The following C19orf38 variants were observed in gnomAD, a reference collection of about 807,000 sequenced individuals.
C19orf38 encodes protein HIDE1.
Under a neutral mutation model 26.6 loss-of-function variants are expected in C19orf38, and 14 were observed. The ratio of observed to expected loss-of-function variants is 0.53; its 90% CI spans 0.35 to 0.82. C19orf38 has a LOEUF of 0.82. Ranked by LOEUF, C19orf38 falls within the 40% of genes least tolerant of loss-of-function variation. The pLI is 0.01. For synonymous variants in C19orf38, 132 were observed against 128.5 expected (o/e 1.03, Z -0.18); for missense variants, 261 against 299.5 (o/e 0.87, Z 0.95).
intron 2 of C19orf38, among the ~76,000 whole-genome samples, chr19:10,853,899 GTTTT>G (rs545079431): frequency 8.6e-6 from 1 of 116,906 alleles, no homozygotes; most frequent in Non-Finnish European, 1.8e-5. Flanking sequence ...TCCGGCTAAT[GTTTT>G]TTTTTTTTTT....
chr19:10,855,614 C>T (rs10410700), intron 2 of C19orf38, among the ~76,000 whole-genome samples: 1,684 of 152,278 alleles, frequency 0.011, 34 homozygotes, highest in African/African-American at 0.038. Context: ...CTGCAACCTC[C>T]GCCTCCCGGG....
chr19:10,850,389 G>C lies in C19orf38; in HGVS notation c.162G>C (p.Gly54=), dbSNP rs553277108. Residue 54 remains glycine (G), a synonymous_variant, in exon 2 of 7, where the codon GGG becomes GGC. Transcript: ENST00000397820. The part of the protein sequence containing the change: ...FPGANFTLYR[G]GQVVQLLQAP... ...GGGCGAATTTCACACTGTATCGAGGGGGGCAGGTGGTCCAGCTCCTGCAGG... is the reference window on the plus strand; with the variant it reads ...GGGCGAATTTCACACTGTATCGAGGCGGGCAGGTGGTCCAGCTCCTGCAGG... 1.3e-6 allele frequency: 2 copies of C among 1,550,810 alleles called. No homozygotes were observed. The highest frequency in any genetic ancestry group is 1.7e-6 in the Non-Finnish European group (2 of 1,146,500).
intron 1 of C19orf38, among the ~76,000 whole-genome samples, chr19:10,838,838 T>C (rs2073457590): frequency 6.6e-6 from 1 of 152,154 alleles, no homozygotes; most frequent in African/African-American, 2.4e-5. Flanking sequence ...TGTGAATTTC[T>C]GGTATCTGCT....
At chr19:10,864,325 C>T (rs1180600442) in intron 6 of C19orf38, among the ~76,000 whole-genome samples, 1 of 152,034 alleles carries the variant, frequency 6.6e-6, no homozygotes, top group African/African-American at 2.4e-5. Context: ...AGGTGTGAGC[C>T]ACCATGCTGG....
At chr19:10,859,368 ATATATATATATATATATTTTT>A (rs2073669974) in intron 4 of C19orf38, among the ~76,000 whole-genome samples, 1 of 57,968 alleles carries the variant, frequency 1.7e-5, no homozygotes, top group African/African-American at 9.2e-5. Flanking sequence ...ATATATATAT[ATATATATATATATATATTTTT>A]TTTTTTTTTT....
chr19:10,866,473 T>C (rs1359147268), intron 6 of C19orf38, among the ~76,000 whole-genome samples: 2 of 151,106 alleles, frequency 1.3e-5, no homozygotes, highest in African/African-American at 4.9e-5. Context: ...CCCAAAGTGC[T>C]GGGATTACAG....
At chr19:10,846,710 A>C (rs779769637), upstream of C19orf38, among the ~76,000 whole-genome samples, 2 of 152,210 alleles carry the variant, frequency 1.3e-5, no homozygotes, top group African/African-American at 2.4e-5. Context: ...CATTAAAAGG[A>C]TAGTAAGGGG....
intron 6 of C19orf38, among the ~76,000 whole-genome samples, chr19:10,864,385 G>A (rs2073731821): frequency 1.3e-5 from 2 of 152,112 alleles, no homozygotes; most frequent in Admixed American, 1.3e-4. Context: ...TCTGAGATGG[G>A]TGACAAGCAG....
chr19:10,861,373 G>A (rs974960533), intron 5 of C19orf38, among the ~76,000 whole-genome samples: 2 of 152,174 alleles, frequency 1.3e-5, no homozygotes, highest in Non-Finnish European at 2.9e-5. Context: ...GGCACCCCAA[G>A]CAGAGAAATG....
chr19:10,854,818 A>G (rs148313853), intron 2 of C19orf38, among the ~76,000 whole-genome samples: 1 of 151,770 alleles, frequency 6.6e-6, no homozygotes. Flanking sequence ...AGTAATAAAA[A>G]CCTGACTCAC....
intron 6 of C19orf38, among the ~76,000 whole-genome samples, chr19:10,865,530 G>A (rs2073743465): frequency 6.6e-6 from 1 of 151,980 alleles, no homozygotes; most frequent in East Asian, 2.0e-4. Flanking sequence ...ACTTTAAGAG[G>A]CCGAGGTGGG....
intron 6 of C19orf38, among the ~76,000 whole-genome samples, chr19:10,867,056 C>T (rs1236618740): frequency 6.6e-6 from 1 of 151,832 alleles, no homozygotes; most frequent in African/African-American, 2.4e-5. Flanking sequence ...TCCCAAAGTG[C>T]TGGGGTTACA....
rs888559079 is a variant in C19orf38 at position 10,858,301 on chromosome 19, T to C, written c.434-15T>C. On this transcript the variant is annotated splice_polypyrimidine_tract_variant and intron_variant, in intron 3 of 6. Transcript: ENST00000397820. ...GACCAAAATCTAACACATGCTCATT[T>C]CTTTTTTGTTCCAGTTAAACTCAGA... The C allele has an allele frequency of 7.1e-6, 11 of 1,541,454 alleles. No homozygotes were observed. Among genetic ancestry groups the C allele is most frequent in the Non-Finnish European group, 8.8e-6 (10 of 1,139,648 alleles).
At chr19:10,837,503 C>CTTTTTTTTTTTTT (rs958209460) in intron 1 of C19orf38, among the ~76,000 whole-genome samples, 2 of 93,632 alleles carry the variant, frequency 2.1e-5, no homozygotes, top group African/African-American at 4.1e-5. Flanking sequence ...TTTTTTTTTC[C>CTTTTTTTTTTTTT]TTTTTTTTTT....
intron 2 of C19orf38, among the ~76,000 whole-genome samples, chr19:10,855,719 G>A (rs1017352101): frequency 2.0e-4 from 31 of 152,196 alleles, no homozygotes; most frequent in African/African-American, 7.5e-4. Context: ...TAGTAGAGAC[G>A]GGGTTTCACA....
intron 2 of C19orf38, among the ~76,000 whole-genome samples, chr19:10,853,591 C>T (rs1424417368): frequency 6.8e-6 from 1 of 146,398 alleles, no homozygotes; most frequent in African/African-American, 2.5e-5. Flanking sequence ...CAGCTCCCCC[C>T]AATTTTTTTT....
At chr19:10,858,447 G>T (rs187030922) in intron 4 of C19orf38, 104 bp downstream of exon 4, 7 of 1,133,998 alleles carry the variant, frequency 6.2e-6, no homozygotes, top group Non-Finnish European at 1.3e-6. Context: ...GCCTCCTGGT[G>T]GGCATGCTGC....
chr19:10,841,308 C>T (rs938268653), intron 1 of C19orf38, among the ~76,000 whole-genome samples: 6 of 151,808 alleles, frequency 4.0e-5, no homozygotes, highest in Admixed American at 1.3e-4. Flanking sequence ...CCGCTCCTAC[C>T]ACCATCTTTA....
chr19:10,837,581 A>G (rs985616339), intron 1 of C19orf38, among the ~76,000 whole-genome samples: 1 of 128,474 alleles, frequency 7.8e-6, no homozygotes, highest in Non-Finnish European at 1.5e-5. Flanking sequence ...ATCTCGACTC[A>G]CTGCAACCTC....
Sources: allele counts gnomAD v4.1 joint callset (sites outside exome capture counted in the v4.1 genomes callset), GRCh38; gene constraint gnomAD v4.1.1; transcripts MANE v1.5; gene names NCBI Gene and HGNC (gene_info 2026-07-23, HGNC 2026-07-21).